Variants in FHIT observed in about 807,000 individuals in gnomAD.
FHIT encodes the protein bis(5'-adenosyl)-triphosphatase.
FHIT carries 19 observed loss-of-function variants against 17.9 expected under a neutral mutation model. The observed-to-expected ratio is 1.06, with a 90% CI of 0.74 to 1.56. FHIT has a LOEUF of 1.56. FHIT is among the 40% of genes most tolerant of loss of function. The probability of loss-of-function intolerance (pLI) is 0.00; values close to 1 mark genes in which losing one functional copy is unlikely to be tolerated. For missense variants in FHIT, 248 were observed against 189.2 expected (o/e 1.31, Z -1.82); for synonymous variants, 81 against 69.7 (o/e 1.16, Z -0.81).
At chr3:60,634,838 G>T (rs2039539051) in intron 4 of FHIT, among the ~76,000 whole-genome samples, 2 of 152,194 alleles carry the variant, frequency 1.3e-5, no homozygotes, top group Non-Finnish European at 2.9e-5. Flanking sequence ...GTTTTAACAT[G>T]ATTTCTTTTG....
chr3:60,342,728 A>G (rs889278510), intron 5 of FHIT, among the ~76,000 whole-genome samples: 3 of 152,222 alleles, frequency 2.0e-5, no homozygotes, highest in Non-Finnish European at 4.4e-5. Flanking sequence ...CTAAGACTCA[A>G]TGGAAGGAAA....
At chr3:60,660,727 C>CT (rs1220817643) in intron 4 of FHIT, among the ~76,000 whole-genome samples, 16 of 16,754 alleles carry the variant, frequency 9.5e-4, no homozygotes, top group African/African-American at 2.2e-3. Flanking sequence ...TTTTATTGTG[C>CT]TCTTTTTTTT....
At chr3:60,071,819 GT>G (rs1216916220) in intron 5 of FHIT, among the ~76,000 whole-genome samples, 3 of 152,210 alleles carry the variant, frequency 2.0e-5, no homozygotes, top group Admixed American at 6.5e-5. Flanking sequence ...CATGGGGGCA[GT>G]TCTTTCCCAT....
intron 7 of FHIT, among the ~76,000 whole-genome samples, chr3:59,946,942 A>T (rs570203486): frequency 6.6e-6 from 1 of 152,168 alleles, no homozygotes; most frequent in African/African-American, 2.4e-5. Context: ...TTTTATATCT[A>T]TGTTCATCAA....
intron 2 of FHIT, among the ~76,000 whole-genome samples, chr3:61,086,954 C>T (rs2035324582): frequency 6.6e-6 from 1 of 152,088 alleles, no homozygotes; most frequent in Non-Finnish European, 1.5e-5. Flanking sequence ...TCACTCCTCT[C>T]CCACCATATG....
At chr3:60,123,109 G>C (rs1358941599) in intron 5 of FHIT, among the ~76,000 whole-genome samples, 1 of 152,090 alleles carries the variant, frequency 6.6e-6, no homozygotes, top group Admixed American at 6.6e-5. Flanking sequence ...TATTAAAGTA[G>C]GCTTAAGCAA....
At chr3:60,877,164 T>A (rs1286967191) in intron 3 of FHIT, among the ~76,000 whole-genome samples, 5 of 152,292 alleles carry the variant, frequency 3.3e-5, no homozygotes, top group Middle Eastern at 3.4e-3. Flanking sequence ...GTAGCCCACA[T>A]GGCAACTGTG....
chr3:60,657,946 T>C (rs2040156077), intron 4 of FHIT, among the ~76,000 whole-genome samples: 1 of 152,182 alleles, frequency 6.6e-6, no homozygotes, highest in African/African-American at 2.4e-5. Context: ...AAAACATACA[T>C]AACATAAAAT....
At chr3:60,562,869 G>A (rs552710744) in intron 4 of FHIT, among the ~76,000 whole-genome samples, 15 of 152,240 alleles carry the variant, frequency 9.9e-5, no homozygotes, top group South Asian at 8.3e-4. Context: ...GAAATTTGAG[G>A]ACCCAGGCAT....
intron 8 of FHIT, among the ~76,000 whole-genome samples, chr3:59,810,857 C>T (rs1700384757): frequency 6.6e-6 from 1 of 152,180 alleles, no homozygotes; most frequent in Non-Finnish European, 1.5e-5. Context: ...ATTAATAAGA[C>T]TGAGTCAGGT....
chr3:60,568,395 G>A (rs1016282246), intron 4 of FHIT, among the ~76,000 whole-genome samples: 3 of 151,874 alleles, frequency 2.0e-5, no homozygotes, highest in Admixed American at 2.0e-4. Flanking sequence ...CTCATAGGTG[G>A]GAATTGAACA....
intron 7 of FHIT, among the ~76,000 whole-genome samples, chr3:59,933,047 C>T (rs1393166261): frequency 1.3e-5 from 2 of 152,048 alleles, no homozygotes; most frequent in Non-Finnish European, 2.9e-5. Flanking sequence ...AAAAAGAAGT[C>T]CCAGGCTTCT....
At chr3:60,048,352 A>G (rs552244724) in intron 5 of FHIT, among the ~76,000 whole-genome samples, 76 of 151,814 alleles carry the variant, frequency 5.0e-4, no homozygotes, top group African/African-American at 1.7e-3. Context: ...AATTTTTTGT[A>G]TTTTTAGTAG....
intron 5 of FHIT, among the ~76,000 whole-genome samples, chr3:60,170,999 A>G (rs1254650512): frequency 1.3e-5 from 2 of 152,204 alleles, no homozygotes; most frequent in African/African-American, 4.8e-5. Context: ...CTGGAGGCCT[A>G]GGAAAAAGAA....
chr3:61,090,397 C>T (rs534488405), intron 2 of FHIT, among the ~76,000 whole-genome samples: 1 of 152,160 alleles, frequency 6.6e-6, no homozygotes, highest in South Asian at 2.1e-4. Context: ...GGAGCACCTC[C>T]CAAGAGGATT....
At chr3:61,185,591 A>G (rs921208107) in intron 2 of FHIT, among the ~76,000 whole-genome samples, 1 of 152,192 alleles carries the variant, frequency 6.6e-6, no homozygotes. Flanking sequence ...AAATCTGTAC[A>G]TCCACTTCGG....
chr3:59,997,691 A>C (rs1699570193), intron 7 of FHIT, among the ~76,000 whole-genome samples: 1 of 152,192 alleles, frequency 6.6e-6, no homozygotes. Flanking sequence ...CACAAATTAC[A>C]TGCTTACTCT....
At chr3:60,739,749 A>T (rs1159962031) in intron 4 of FHIT, among the ~76,000 whole-genome samples, 5 of 152,204 alleles carry the variant, frequency 3.3e-5, no homozygotes, top group Non-Finnish European at 7.3e-5. Flanking sequence ...TTTATCCTTC[A>T]GAATGTACAT....
intron 2 of FHIT, among the ~76,000 whole-genome samples, chr3:61,119,329 T>C (rs2036389668): frequency 6.6e-6 from 1 of 152,134 alleles, no homozygotes; most frequent in African/African-American, 2.4e-5. Context: ...AGCGATTCCC[T>C]GCTTCAGCCT....
Sources: gnomAD v4.1 joint callset for allele counts (sites outside exome capture counted in the v4.1 genomes callset) on GRCh38, gnomAD v4.1.1 for gene constraint, MANE v1.5 for transcripts, NCBI Gene and HGNC (gene_info 2026-07-23, HGNC 2026-07-21) for gene names.